GLB1: variants seen among roughly 807,000 people sequenced by gnomAD.
GLB1 encodes galactosidase beta 1, also known as beta-galactosidase.
In GLB1, 56 loss-of-function variants were observed where a neutral mutation model predicts 74.0. The ratio of observed to expected loss-of-function variants is 0.76; its 90% CI spans 0.61 to 0.94. The LOEUF (loss-of-function observed/expected upper bound fraction) is 0.94. Among genes scored for constraint, GLB1 ranks in the 40% least tolerant of loss-of-function variants. The pLI is 0.00. For synonymous variants in GLB1, 323 were observed against 323.6 expected (o/e 1.00, Z 0.02); for missense variants, 787 against 845.5 (o/e 0.93, Z 0.86).
intron 15 of GLB1, among the ~76,000 whole-genome samples, chr3:33,008,537 G>A (rs1696878060): frequency 6.6e-6 from 1 of 152,170 alleles, no homozygotes; most frequent in South Asian, 2.1e-4. Context: ...TGGAGAGGGT[G>A]GAGAGTCAGG....
intron 13 of GLB1, among the ~76,000 whole-genome samples, 164 bp from the exon 14 acceptor site, chr3:33,017,004 C>T (rs767800695): frequency 8.5e-5 from 13 of 152,204 alleles, no homozygotes; most frequent in Admixed American, 2.0e-4. Flanking sequence ...CCGGCCAGGT[C>T]GGAAAGATCC....
In GLB1 at chr3:33,024,255, T is replaced by C; in HGVS notation, c.1139A>G (p.Glu380Gly). ...PKFAYGKVTL[E>G]KLKTVGAALD... ...TCTGTTATTTTTTTTTCTTACCTTT[T>C]CCAAAGTGACCTTTCCATATGCAAA... The change falls in exon 11 of 16, where the codon GAA becomes GGA. Residue 380 changes from glutamate to glycine, a missense_variant. Coordinates refer to ENST00000307363, the MANE Select transcript of GLB1 (RefSeq NM_000404.4). The C allele has an allele frequency of 6.2e-7, 1 of 1,612,168 alleles. No homozygotes were observed.
chr3:32,995,028 A>G (rs927082802), downstream of GLB1, among the ~76,000 whole-genome samples: 1 of 152,144 alleles, frequency 6.6e-6, no homozygotes, highest in Admixed American at 6.6e-5. Context: ...CACATTGATA[A>G]GACAAAACAC....
intron 15 of GLB1, among the ~76,000 whole-genome samples, chr3:33,012,369 C>G (rs9829197): frequency 6.6e-6 from 1 of 152,070 alleles, no homozygotes; most frequent in Admixed American, 6.6e-5. Flanking sequence ...GGGGCCCCCT[C>G]TGGGAGGTGA....
At chr3:33,022,564 A>ATTTTTTTTTTTTTTTTTT (rs61013692) in intron 11 of GLB1, among the ~76,000 whole-genome samples, 4,272 of 63,716 alleles carry the variant, frequency 0.067, 1,572 homozygotes, top group South Asian at 0.13. Flanking sequence ...ACTGGTTAGG[A>ATTTTTTTTTTTTTTTTTT]TTTTTTTTTT....
At chr3:33,032,111 C>G (rs1488100036) in intron 10 of GLB1, among the ~76,000 whole-genome samples, 2 of 152,026 alleles carry the variant, frequency 1.3e-5, no homozygotes, top group African/African-American at 4.8e-5. Flanking sequence ...TCTAAAGACT[C>G]TGTCTCCTTT....
At chr3:33,009,844 T>C (rs1696949002) in intron 15 of GLB1, among the ~76,000 whole-genome samples, 1 of 152,250 alleles carries the variant, frequency 6.6e-6, no homozygotes, top group Non-Finnish European at 1.5e-5. Context: ...GAACATTTCA[T>C]ATAAATGGAG....
At chr3:33,057,140 A>C (rs1300691098) in intron 6 of GLB1, among the ~76,000 whole-genome samples, 1 of 152,232 alleles carries the variant, frequency 6.6e-6, no homozygotes, top group African/African-American at 2.4e-5. Flanking sequence ...TAGTGAGTGA[A>C]TGAGTTATGA....
intron 6 of GLB1, among the ~76,000 whole-genome samples, chr3:33,056,002 C>A (rs1424866274): frequency 2.0e-5 from 3 of 151,498 alleles, no homozygotes; most frequent in African/African-American, 4.8e-5. Flanking sequence ...CCGAGGCAGG[C>A]AGATCATGTG....
intron 1 of GLB1, among the ~76,000 whole-genome samples, chr3:33,087,549 G>A (rs1396114067): frequency 4.0e-5 from 6 of 150,288 alleles, no homozygotes; most frequent in African/African-American, 4.9e-5. Flanking sequence ...CAGCCCCGGC[G>A]ACAGAGCAAG....
rs776615719 is a variant in GLB1, at chr3:33,093,832, G to T, written c.75+3179C>A. 3.1e-6 allele frequency: 5 copies of T among 1,613,524 alleles called. No homozygotes were observed. The South Asian group carries it at 5.5e-5, about 18-fold the overall frequency. On this transcript the variant is annotated intron_variant, in intron 1 of 15. Transcript: ENST00000307363. This position sits in a 1 kb window ranked among gnomAD's most constrained non-coding sequence, Gnocchi z 6.0. ...AAGAGCATGATGATGTAAGCACCCA[G>T]GCAGGAGTAGGCCGCCAAGGAAAAG...
At chr3:33,090,735 C>T (rs1376733638) in intron 1 of GLB1, 6 of 985,194 alleles carry the variant, frequency 6.1e-6, no homozygotes, top group African/African-American at 3.5e-5. Context: ...CAAAAATGTC[C>T]GCCGCGTCAG....
intron 1 of GLB1, among the ~76,000 whole-genome samples, chr3:33,087,329 G>T (rs1700547806): frequency 6.6e-6 from 1 of 152,120 alleles, no homozygotes; most frequent in South Asian, 2.1e-4. Flanking sequence ...CAGCACTTTG[G>T]GAGGGGGAAG....
intron 14 of GLB1, among the ~76,000 whole-genome samples, chr3:33,015,113 G>A (rs1218009942): frequency 2.6e-5 from 4 of 152,182 alleles, no homozygotes; most frequent in African/African-American, 7.2e-5. Context: ...CCGAGATTGT[G>A]CCACTGCGCT....
At chr3:33,026,560 G>T (rs1697768133) in intron 10 of GLB1, among the ~76,000 whole-genome samples, 1 of 152,140 alleles carries the variant, frequency 6.6e-6, no homozygotes, top group Non-Finnish European at 1.5e-5. Flanking sequence ...GAAGCCTGGG[G>T]TTCGGGCCAC....
At chr3:33,086,790 A>G (rs1242613669) in intron 1 of GLB1, among the ~76,000 whole-genome samples, 2 of 152,204 alleles carry the variant, frequency 1.3e-5, no homozygotes, top group Non-Finnish European at 2.9e-5. Context: ...AATAAGGAAA[A>G]GGGGATGTTA....
chr3:33,021,465 A>T, intron 12 of GLB1, 101 bp downstream of exon 12: 1 of 1,276,110 alleles, frequency 7.8e-7, no homozygotes, highest in Non-Finnish European at 1.1e-6. Context: ...GCATTTGCTT[A>T]CCATTTTGGC....
At position 33,062,637 on chromosome 3, in the gene GLB1, A is replaced by G. The variant is rs148678655; in HGVS notation, c.552+2826T>C. On this transcript the variant is annotated intron_variant, in intron 5 of 15. Transcript: ENST00000307363. The stretch of plus-strand genomic sequence containing the variant: ...ACCTCATCTCCACTAAAAATACACA[A>G]AATTAGCTGGCGTGGTTGCCCGCAC... Among the ~76,000 whole-genome samples the G allele has an allele frequency of 3.8e-3, 581 of 152,224 alleles. 6 individuals are homozygous for G. The highest frequency in any genetic ancestry group is 0.013 in the African/African-American group (539 of 41,546).
At chr3:33,047,457 G>C (rs924594627) in intron 9 of GLB1, among the ~76,000 whole-genome samples, 1 of 152,204 alleles carries the variant, frequency 6.6e-6, no homozygotes, top group African/African-American at 2.4e-5. Context: ...GCCTGAAACT[G>C]CATTTCTAAC....
Sources: gnomAD v4.1 joint callset for allele counts (sites outside exome capture counted in the v4.1 genomes callset) on GRCh38, gnomAD v4.1.1 for gene constraint, Gnocchi (gnomAD v3.1) non-coding constraint, MANE v1.5 for transcripts, NCBI Gene and HGNC (gene_info 2026-07-23, HGNC 2026-07-21) for gene names.